KIAA0319L: variants seen among roughly 807,000 people sequenced by gnomAD.
KIAA0319L encodes KIAA0319 like, also known as dyslexia-associated protein KIAA0319-like protein.
Under a neutral mutation model 120.1 loss-of-function variants are expected in KIAA0319L, and 55 were observed. The observed-to-expected ratio is 0.46, with a 90% CI of 0.37 to 0.57. The LOEUF (loss-of-function observed/expected upper bound fraction) is 0.57. KIAA0319L is among the 20% of genes least tolerant of loss of function. The pLI is 0.00. For missense variants in KIAA0319L, 1,049 were observed against 1,255.3 expected (o/e 0.84, Z 2.48); for synonymous variants, 398 against 471.9 (o/e 0.84, Z 2.03).
chr1:35,482,638 A>G (rs927068188), intron 3 of KIAA0319L, among the ~76,000 whole-genome samples: 12 of 152,110 alleles, frequency 7.9e-5, no homozygotes, highest in African/African-American at 2.9e-4. Context: ...CATGTTGGTC[A>G]GGCTGGTCTT....
At chr1:35,548,248 T>C (rs754763297) in intron 2 of KIAA0319L, among the ~76,000 whole-genome samples, 6 of 152,124 alleles carry the variant, frequency 3.9e-5, no homozygotes, top group Non-Finnish European at 5.9e-5. Context: ...AGACAGAGTC[T>C]CATCAACTTT....
rs115401828 is a variant in KIAA0319L, at chr1:35,434,523, C to T, written c.*371G>A. The T allele has an allele frequency of 9.4e-3, 1,833 of 195,014 alleles. 35 individuals carry two copies. Among genetic ancestry groups the T allele is most frequent in the African/African-American group, 0.04 (1,715 of 42,670 alleles). 12.1% of individuals were successfully genotyped at this position (195,014 alleles called of 1,614,324 possible). The stretch of plus-strand genomic sequence containing the variant: ...GTGCTTGGTTTTGCACTCAGGTGTG[C>T]GGGCAGCACAGCAGGCCTCACCTTG... On this transcript the variant is annotated 3_prime_UTR_variant, in exon 21 of 21. Coordinates refer to ENST00000325722, the MANE Select transcript of KIAA0319L (RefSeq NM_024874.5).
At chr1:35,448,520 C>T (rs1044817907) in intron 15 of KIAA0319L, among the ~76,000 whole-genome samples, 188 bp from the exon 16 acceptor site, 2 of 152,210 alleles carry the variant, frequency 1.3e-5, no homozygotes, top group African/African-American at 4.8e-5. Flanking sequence ...CTAAAGCACT[C>T]CTGCTCTCTA....
intron 3 of KIAA0319L, among the ~76,000 whole-genome samples, chr1:35,480,526 A>C (rs1336560187): frequency 6.6e-6 from 1 of 152,172 alleles, no homozygotes; most frequent in Non-Finnish European, 1.5e-5. Context: ...TCACACCTGT[A>C]ATCCCAGCAC....
intron 3 of KIAA0319L, among the ~76,000 whole-genome samples, chr1:35,505,051 A>T (rs1379949935): frequency 6.6e-6 from 1 of 152,062 alleles, no homozygotes; most frequent in African/African-American, 2.4e-5. Flanking sequence ...TTCTTTCTTT[A>T]AAGTGGCCTA....
At chr1:35,555,309 C>G (rs1647808845) in intron 1 of KIAA0319L, among the ~76,000 whole-genome samples, 1 of 152,202 alleles carries the variant, frequency 6.6e-6, no homozygotes, top group Non-Finnish European at 1.5e-5. Flanking sequence ...TTCTGTCCAA[C>G]TATGTACCTG....
Position 35,444,178 on chromosome 1 carries a change from A to G in KIAA0319L, c.2639T>C (p.Leu880Ser). Residue 880 changes from leucine to serine, a missense_variant, in exon 17 of 21, where the codon TTG becomes TCG. By Grantham distance (145) the Leu-to-Ser change is moderately radical (BLOSUM62 -2). Coordinates refer to ENST00000325722, the MANE Select transcript of KIAA0319L (RefSeq NM_024874.5). ...TTACTCACTGACAGTGTTGACTTCC[A>G]AGGCTCTGAATATCAAAAAGTCTGC... Reference protein sequence around the residue: ...QKADFLIFRALEVNTVTCQLN... With the variant: ...QKADFLIFRASEVNTVTCQLN... 2 of 1,602,248 alleles carry G rather than the reference A, an allele frequency of 1.2e-6. No individual in the cohort carries two copies. Among genetic ancestry groups the G allele is most frequent in the Non-Finnish European group, 1.7e-6 (2 of 1,175,196 alleles).
At chr1:35,469,696 G>A (rs1643491988) in intron 6 of KIAA0319L, among the ~76,000 whole-genome samples, 1 of 151,704 alleles carries the variant, frequency 6.6e-6, no homozygotes, top group Non-Finnish European at 1.5e-5. Context: ...CTGACCTAGT[G>A]TGCCACCTGT....
At chr1:35,487,867 C>T (rs183463621) in intron 3 of KIAA0319L, among the ~76,000 whole-genome samples, 15 of 152,294 alleles carry the variant, frequency 9.8e-5, no homozygotes, top group Admixed American at 2.6e-4. Context: ...TTCAGCAGGC[C>T]TCATGGAGTC....
At chr1:35,468,573 T>G (rs1251162770) in intron 6 of KIAA0319L, among the ~76,000 whole-genome samples, 1 of 152,110 alleles carries the variant, frequency 6.6e-6, no homozygotes, top group Non-Finnish European at 1.5e-5. Context: ...TCTGCAAACT[T>G]CTCCTTAAAA....
intron 9 of KIAA0319L, 82 bp downstream of exon 9, chr1:35,460,223 A>G: frequency 8.7e-7 from 1 of 1,143,696 alleles, no homozygotes. Flanking sequence ...GATATTTGTC[A>G]AAGTTACTCA....
intron 5 of KIAA0319L, among the ~76,000 whole-genome samples, 168 bp from the exon 6 acceptor site, chr1:35,471,128 C>T (rs1200373281): frequency 7.9e-5 from 12 of 152,158 alleles, no homozygotes; most frequent in Admixed American, 6.5e-5. Context: ...AAAGAAAGAG[C>T]GAATGCTGCT....
In KIAA0319L at chr1:35,470,843, G is replaced by C. The variant is rs776680892; in HGVS notation, c.1113+20C>G. ...CAACTCCTCTACCTTTGCCCTGCAAGTGAAAGGAGGCAAATTCACCTTCGA... is the reference window on the plus strand; with the variant it reads ...CAACTCCTCTACCTTTGCCCTGCAACTGAAAGGAGGCAAATTCACCTTCGA... On this transcript the variant is annotated intron_variant, in intron 6 of 20. Coordinates refer to ENST00000325722, the MANE Select transcript of KIAA0319L (RefSeq NM_024874.5). 2.7e-6 allele frequency: 4 copies of C among 1,493,320 alleles called. No homozygotes were observed. Among genetic ancestry groups the C allele is most frequent in the Non-Finnish European group, 2.8e-6 (3 of 1,069,888 alleles). 92.5% of individuals were successfully genotyped at this position (1,493,320 alleles called of 1,614,324 possible).
rs748601539 is a variant in KIAA0319L, at chr1:35,466,706, G to A, written c.1114-11C>T. ...CAGGCCTGGAGTGAGCTGCAGAAGT[G>A]AGAGAAGATCTCTTAGACAATCACA... On this transcript the variant is annotated splice_polypyrimidine_tract_variant and intron_variant, in intron 6 of 20. Coordinates refer to ENST00000325722, the MANE Select transcript of KIAA0319L (RefSeq NM_024874.5). 2.1e-5 allele frequency: 33 copies of A among 1,570,074 alleles called. No homozygotes were observed. The highest frequency in any genetic ancestry group is 2.7e-5 in the Non-Finnish European group (31 of 1,140,344).
At chr1:35,482,357 T>C (rs1644207557) in intron 3 of KIAA0319L, among the ~76,000 whole-genome samples, 1 of 152,156 alleles carries the variant, frequency 6.6e-6, no homozygotes, top group African/African-American at 2.4e-5. Flanking sequence ...CATTCACCTA[T>C]AGATGAACGT....
At chr1:35,540,876 G>A (rs1646758530) in intron 2 of KIAA0319L, among the ~76,000 whole-genome samples, 1 of 152,126 alleles carries the variant, frequency 6.6e-6, no homozygotes, top group Admixed American at 6.5e-5. Flanking sequence ...GAATGGCAAA[G>A]GTATTAACAG....
chr1:35,549,066 T>TA (rs1039130450), intron 2 of KIAA0319L, among the ~76,000 whole-genome samples: 11 of 151,528 alleles, frequency 7.3e-5, no homozygotes, highest in African/African-American at 2.4e-4. Context: ...TTTTTTTTTT[T>TA]AAGAGACAGG....
At chr1:35,435,613 A>G (rs1420955665) in intron 20 of KIAA0319L, 1 of 153,208 alleles carries the variant, frequency 6.5e-6, no homozygotes, top group Non-Finnish European at 1.5e-5. Context: ...GTGGCAGAGT[A>G]GGTGCACACT....
In KIAA0319L at chr1:35,512,572, A is replaced by G. The variant is rs753050541; in HGVS notation, c.143-5437T>C. Reference sequence around the variant, plus strand: ...GGAGTAGTCAAAAGTTACCAGAATCAAGAATGAAAGAAGGGACCAGGTGCA... The same window carrying G: ...GGAGTAGTCAAAAGTTACCAGAATCGAGAATGAAAGAAGGGACCAGGTGCA... On this transcript the variant is annotated intron_variant, in intron 2 of 20. Transcript: ENST00000325722. 1.9e-3 allele frequency among the ~76,000 whole-genome samples: 284 copies of G among 152,212 alleles called. 1 individual carries two copies. The highest frequency in any genetic ancestry group is 1.9e-3 in the Non-Finnish European group (130 of 68,004).
Sources: gnomAD v4.1 joint callset for allele counts (sites outside exome capture counted in the v4.1 genomes callset) on GRCh38, gnomAD v4.1.1 for gene constraint, MANE v1.5 for transcripts, NCBI Gene and HGNC (gene_info 2026-07-23, HGNC 2026-07-21) for gene names.